Variants in BMAL2 observed in about 807,000 individuals in gnomAD.
The protein encoded by BMAL2 is basic helix-loop-helix ARNT like 2.
chr12:27,379,276 T>C, the BMAL2 span, among the ~76,000 whole-genome samples: 23 of 152,344 alleles, frequency 1.5e-4, no homozygotes, highest in East Asian at 4.4e-3. Flanking sequence ...GAATTTTAGA[T>C]TTCTTGAGAA....
At chr12:27,415,700 A>G in the BMAL2 span, among the ~76,000 whole-genome samples, 2 of 152,174 alleles carry the variant, frequency 1.3e-5, no homozygotes, top group Admixed American at 1.3e-4. Flanking sequence ...TTCCATAGTC[A>G]AAAATAAGCC....
the BMAL2 span, among the ~76,000 whole-genome samples, chr12:27,379,786 A>G: frequency 1.3e-5 from 2 of 152,142 alleles, no homozygotes; most frequent in Admixed American, 1.3e-4. Flanking sequence ...AGAACAAAAA[A>G]CAACTAGAAT....
chr12:27,397,923 A>G, the BMAL2 span, among the ~76,000 whole-genome samples: 5 of 152,232 alleles, frequency 3.3e-5, no homozygotes, highest in Non-Finnish European at 7.3e-5. Context: ...CCCATGGCAT[A>G]TCCCCCCAGC....
At chr12:27,362,156 G>A in the BMAL2 span, among the ~76,000 whole-genome samples, 1 of 152,124 alleles carries the variant, frequency 6.6e-6, no homozygotes, top group South Asian at 2.1e-4. Flanking sequence ...GGTATGCTGT[G>A]GTTTAACGGG....
chr12:27,418,284 G>C, the BMAL2 span: 1 of 879,674 alleles, frequency 1.1e-6, no homozygotes, highest in Non-Finnish European at 1.8e-6. Context: ...GAAATTTGTA[G>C]AGAAGCAGAT....
chr12:27,336,256 G>T, the BMAL2 span, among the ~76,000 whole-genome samples: 1 of 152,080 alleles, frequency 6.6e-6, no homozygotes, highest in East Asian at 1.9e-4. Flanking sequence ...TGAGACATCC[G>T]CCTGTTCTGT....
the BMAL2 span, among the ~76,000 whole-genome samples, chr12:27,371,206 G>C: frequency 1.3e-5 from 2 of 152,194 alleles, no homozygotes; most frequent in African/African-American, 4.8e-5. Flanking sequence ...TCTACAGCCA[G>C]GTATGATGGC....
chr12:27,388,913 A>G, the BMAL2 span, among the ~76,000 whole-genome samples: 1 of 152,190 alleles, frequency 6.6e-6, no homozygotes, highest in African/African-American at 2.4e-5. Flanking sequence ...TGTTAACAAG[A>G]GTTACAAGAT....
the BMAL2 span, among the ~76,000 whole-genome samples, chr12:27,404,802 G>T: frequency 6.6e-6 from 1 of 152,166 alleles, no homozygotes; most frequent in Non-Finnish European, 1.5e-5. Flanking sequence ...GCAGGGTGAG[G>T]CATCGCCTCA....
At chr12:27,375,074 C>A in the BMAL2 span, among the ~76,000 whole-genome samples, 1 of 152,162 alleles carries the variant, frequency 6.6e-6, no homozygotes, top group Non-Finnish European at 1.5e-5. Flanking sequence ...ACTAAAACCT[C>A]AAAAGAGTTC....
At chr12:27,367,591 TTTTTCTGTG>T in the BMAL2 span, among the ~76,000 whole-genome samples, 168 of 152,136 alleles carry the variant, frequency 1.1e-3, no homozygotes, top group South Asian at 0.016. Context: ...TTCCTTTCTA[TTTTTCTGTG>T]TTTTCTGTGT....
At chr12:27,387,142 C>T in the BMAL2 span, 1 of 878,612 alleles carries the variant, frequency 1.1e-6, no homozygotes, top group Admixed American at 2.3e-5. Context: ...CAGTAATTTC[C>T]TCAGAATCTG....
the BMAL2 span, among the ~76,000 whole-genome samples, chr12:27,342,282 C>T: frequency 6.6e-6 from 1 of 152,202 alleles, no homozygotes; most frequent in Non-Finnish European, 1.5e-5. Flanking sequence ...GGAACTCTGT[C>T]TTAGAAGTTA....
the BMAL2 span, among the ~76,000 whole-genome samples, chr12:27,363,819 A>G: frequency 1.3e-5 from 2 of 152,170 alleles, no homozygotes; most frequent in Non-Finnish European, 2.9e-5. Context: ...AGATTGTCAC[A>G]TTTAACAATC....
chr12:27,340,502 T>G, the BMAL2 span, among the ~76,000 whole-genome samples: 3 of 152,332 alleles, frequency 2.0e-5, no homozygotes, highest in Admixed American at 6.5e-5. Context: ...TTTTGGTTAC[T>G]GTTGCTTTGT....
the BMAL2 span, among the ~76,000 whole-genome samples, chr12:27,359,875 G>T: frequency 6.6e-6 from 1 of 151,314 alleles, no homozygotes; most frequent in Non-Finnish European, 1.5e-5. Context: ...GGAGGAGCAG[G>T]ATCTTAATGA....
the BMAL2 span, among the ~76,000 whole-genome samples, chr12:27,358,824 C>G: frequency 3.3e-5 from 5 of 152,092 alleles, no homozygotes; most frequent in Non-Finnish European, 5.9e-5. Context: ...TATCTACCAC[C>G]TGGATTAGGC....
the BMAL2 span, among the ~76,000 whole-genome samples, chr12:27,360,803 C>CAAAAAAAAAAAAAAAAAAAA: frequency 2.4e-3 from 111 of 46,780 alleles, 22 homozygotes; most frequent in Admixed American, 6.9e-3. Flanking sequence ...GTGATTTGTC[C>CAAAAAAAAAAAAAAAAAAAA]AAAAAAAAAA....
At chr12:27,380,334 C>A in the BMAL2 span, 1 of 1,614,132 alleles carries the variant, frequency 6.2e-7, no homozygotes. Flanking sequence ...CTCAGTGCAA[C>A]CCCATGGCGC....
Sources: allele counts gnomAD v4.1 joint callset (sites outside exome capture counted in the v4.1 genomes callset), GRCh38; gene constraint gnomAD v4.1.1; transcripts MANE v1.5; gene names NCBI Gene and HGNC (gene_info 2026-07-23, HGNC 2026-07-21).